The following DAB1 variants were observed in gnomAD, a reference collection of about 807,000 sequenced individuals.
DAB1 encodes the protein DAB adaptor protein 1, also known as disabled homolog 1.
Under a neutral mutation model 64.6 loss-of-function variants are expected in DAB1, and 15 were observed. The observed-to-expected ratio is 0.23, with a 90% CI of 0.16 to 0.36. The LOEUF (loss-of-function observed/expected upper bound fraction) is 0.36, where lower values mean the gene tolerates loss of function less well. Among genes scored for constraint, DAB1 ranks in the 10% least tolerant of loss-of-function variants. The probability of loss-of-function intolerance (pLI) is 1.00; values close to 1 mark genes in which losing one functional copy is unlikely to be tolerated. For missense variants in DAB1, 596 were observed against 706.7 expected (o/e 0.84, Z 1.78); for synonymous variants, 235 against 251.9 (o/e 0.93, Z 0.64).
intron 4 of DAB1, among the ~76,000 whole-genome samples, chr1:58,320,838 A>G (rs77334271): frequency 0.045 from 6,797 of 152,248 alleles, 493 homozygotes; most frequent in African/African-American, 0.15. Flanking sequence ...CAGATCCCAC[A>G]TCAGCTGATT....
At chr1:58,481,284 T>C (rs1645478306) in intron 3 of DAB1, 5 of 429,394 alleles carry the variant, frequency 1.2e-5, no homozygotes, top group Non-Finnish European at 1.6e-5. Context: ...GTATTGTTAT[T>C]TTTTTAATAA....
At chr1:57,210,666 A>G (rs143020449) in intron 2 of DAB1, among the ~76,000 whole-genome samples, 14 of 152,314 alleles carry the variant, frequency 9.2e-5, no homozygotes, top group African/African-American at 3.4e-4. Flanking sequence ...GTTCATCTCA[A>G]TCCAAAGGCT....
At chr1:57,623,614 G>A (rs949845436) in intron 7 of DAB1, among the ~76,000 whole-genome samples, 2 of 152,098 alleles carry the variant, frequency 1.3e-5, no homozygotes, top group African/African-American at 4.8e-5. Context: ...CATGCAAGAG[G>A]CCACATCCCC....
intron 1 of DAB1, among the ~76,000 whole-genome samples, chr1:57,845,182 T>C (rs2101920477): frequency 6.6e-6 from 1 of 152,170 alleles, no homozygotes; most frequent in South Asian, 2.1e-4. Flanking sequence ...CACTTACATG[T>C]GAGGCTGTGC....
At chr1:57,165,608 T>C (rs1661152489) in intron 2 of DAB1, among the ~76,000 whole-genome samples, 1 of 152,226 alleles carries the variant, frequency 6.6e-6, no homozygotes, top group African/African-American at 2.4e-5. Context: ...TACATTACTT[T>C]TCATTTAGCC....
intron 1 of DAB1, among the ~76,000 whole-genome samples, chr1:57,420,730 G>T (rs962330618): frequency 6.6e-6 from 1 of 152,146 alleles, no homozygotes; most frequent in African/African-American, 2.4e-5. Context: ...ATTGCTCCAA[G>T]ACCCACAAGG....
chr1:57,428,277 A>T (rs1313453071), upstream of DAB1, among the ~76,000 whole-genome samples: 2 of 152,204 alleles, frequency 1.3e-5, no homozygotes, highest in Non-Finnish European at 2.9e-5. Flanking sequence ...TTTATCATAT[A>T]ACTGAAGGTT....
At chr1:57,595,837 G>C (rs1645502617) in intron 7 of DAB1, among the ~76,000 whole-genome samples, 1 of 152,112 alleles carries the variant, frequency 6.6e-6, no homozygotes, top group Non-Finnish European at 1.5e-5. Flanking sequence ...CTCCGGCCAT[G>C]TAGGATGTGC....
intron 9 of DAB1, among the ~76,000 whole-genome samples, chr1:57,049,246 G>A (rs991283897): frequency 6.6e-6 from 1 of 151,668 alleles, no homozygotes; most frequent in Non-Finnish European, 1.5e-5. Flanking sequence ...TCAGGAGATC[G>A]AGATCATCCT....
intron 7 of DAB1, among the ~76,000 whole-genome samples, chr1:57,561,856 C>T (rs1289452491): frequency 6.6e-6 from 1 of 152,232 alleles, no homozygotes; most frequent in Non-Finnish European, 1.5e-5. Context: ...AGTGATCAGG[C>T]AGCTACCTGG....
At chr1:58,369,613 T>TG (rs1006716106) in intron 3 of DAB1, among the ~76,000 whole-genome samples, 1 of 152,254 alleles carries the variant, frequency 6.6e-6, no homozygotes, top group Non-Finnish European at 1.5e-5. Flanking sequence ...ATGCCTAGCA[T>TG]GGGCAAGGAG....
At chr1:57,840,240 T>G (rs143976971) in intron 1 of DAB1, among the ~76,000 whole-genome samples, 103 of 152,306 alleles carry the variant, frequency 6.8e-4, no homozygotes, top group African/African-American at 2.5e-3. Flanking sequence ...AATTAAGGTA[T>G]ATCTAATACT....
intron 3 of DAB1, among the ~76,000 whole-genome samples, chr1:58,407,806 A>G (rs1207857292): frequency 3.3e-5 from 5 of 152,204 alleles, no homozygotes; most frequent in Non-Finnish European, 7.3e-5. Context: ...TGGAGCAGCC[A>G]AAGTAAGGTT....
chr1:58,491,031 T>C (rs1406045747), intron 3 of DAB1, among the ~76,000 whole-genome samples: 1 of 151,622 alleles, frequency 6.6e-6, no homozygotes, highest in African/African-American at 2.4e-5. Flanking sequence ...ATGGTCTCAA[T>C]CTCCTGACCT....
chr1:58,228,043 G>A (rs1263173990), intron 4 of DAB1, among the ~76,000 whole-genome samples: 2 of 152,180 alleles, frequency 1.3e-5, no homozygotes, highest in Non-Finnish European at 2.9e-5. Context: ...AGCCTAACTG[G>A]TTTCAGAAGA....
chr1:58,193,503 T>C (rs185606059), intron 4 of DAB1, among the ~76,000 whole-genome samples: 161 of 152,374 alleles, frequency 1.1e-3, no homozygotes, highest in Admixed American at 2.1e-3. Flanking sequence ...TTATCTTTTT[T>C]TATCCTCACA....
At chr1:58,083,436 A>G (rs1052442429) in intron 5 of DAB1, among the ~76,000 whole-genome samples, 3 of 152,212 alleles carry the variant, frequency 2.0e-5, no homozygotes, top group Admixed American at 6.5e-5. Flanking sequence ...ATGCCGCACA[A>G]TGCCCAGTGT....
rs1646764115 is a variant in DAB1 at position 58,017,953 on chromosome 1, T to C, written n.387+132558A>G. On this transcript the variant is annotated intron_variant and non_coding_transcript_variant, in intron 5 of 20. Coordinates refer to the DAB1 transcript ENST00000485760. ...ACTTTAATGTAACTTATTTAATTTC[T>C]CTTTAACCTTTCATTTTAATAATAA... Among the ~76,000 whole-genome samples the C allele has an allele frequency of 2.6e-5, 4 of 152,320 alleles. No homozygotes were observed. The South Asian group carries it at 8.3e-4, about 32-fold the overall frequency.
chr1:58,017,462 T>C (rs1646757422), intron 5 of DAB1, among the ~76,000 whole-genome samples: 1 of 152,058 alleles, frequency 6.6e-6, no homozygotes, highest in African/African-American at 2.4e-5. Flanking sequence ...GTCAGGTAAA[T>C]ATGACCCAAG....
Sources: gnomAD v4.1 joint callset for allele counts (sites outside exome capture counted in the v4.1 genomes callset) on GRCh38, gnomAD v4.1.1 for gene constraint, MANE v1.5 for transcripts, NCBI Gene and HGNC (gene_info 2026-07-23, HGNC 2026-07-21) for gene names.